Variants in HPSE2 observed in about 807,000 individuals in gnomAD.
HPSE2 encodes the protein heparanase 2 (inactive), also known as inactive heparanase-2.
Under a neutral mutation model 60.5 loss-of-function variants are expected in HPSE2, and 38 were observed. The observed-to-expected ratio is 0.63, with a 90% CI of 0.48 to 0.82. The LOEUF is 0.82. HPSE2 is among the 40% of genes least tolerant of loss of function. HPSE2 has a pLI of 0.00. For synonymous variants in HPSE2, 295 were observed against 293.2 expected (o/e 1.01, Z -0.06); for missense variants, 713 against 740.4 (o/e 0.96, Z 0.43).
chr10:99,184,815 TATATAGAGAGAGAGAGAGAGAG>T (rs1464350872), intron 2 of HPSE2, among the ~76,000 whole-genome samples: 36 of 28,632 alleles, frequency 1.3e-3, no homozygotes, highest in African/African-American at 1.7e-3. Context: ...TATATATATA[TATATAGAGAGAGAGAGAGAGAG>T]AGAGAGAGAG....
chr10:98,586,666 A>G (rs1194433498), intron 9 of HPSE2, among the ~76,000 whole-genome samples: 3 of 152,212 alleles, frequency 2.0e-5, no homozygotes, highest in Admixed American at 2.0e-4. Flanking sequence ...TTGCAAGATT[A>G]AAGAGTTGAG....
intron 2 of HPSE2, among the ~76,000 whole-genome samples, chr10:99,165,812 G>A (rs1847057099): frequency 6.6e-6 from 1 of 151,860 alleles, no homozygotes; most frequent in South Asian, 2.1e-4. Context: ...AAAGTGCTGG[G>A]ATTACAGGCA....
chr10:98,930,614 C>T (rs1186046840), intron 3 of HPSE2, among the ~76,000 whole-genome samples: 1 of 144,670 alleles, frequency 6.9e-6, no homozygotes. Flanking sequence ...AGTGTACAAG[C>T]GTTCCTATTT....
intron 2 of HPSE2, among the ~76,000 whole-genome samples, chr10:99,154,763 A>G (rs1233864468): frequency 6.6e-6 from 1 of 151,802 alleles, no homozygotes; most frequent in African/African-American, 2.4e-5. Flanking sequence ...TATTAACTTT[A>G]AATGTAAAGG....
chr10:98,959,946 T>C (rs370235356), intron 3 of HPSE2, among the ~76,000 whole-genome samples: 20 of 152,236 alleles, frequency 1.3e-4, no homozygotes, highest in African/African-American at 3.8e-4. Context: ...GCAAAGTTTT[T>C]TCCCCCCACA....
intron 3 of HPSE2, among the ~76,000 whole-genome samples, chr10:98,895,947 A>AG (rs1953478009): frequency 1.5e-5 from 1 of 65,666 alleles, no homozygotes; most frequent in African/African-American, 6.4e-5. Context: ...GGGTGGGGGG[A>AG]GGGGGGAGGG....
At chr10:98,900,666 C>G (rs1471242294) in intron 3 of HPSE2, among the ~76,000 whole-genome samples, 1 of 152,120 alleles carries the variant, frequency 6.6e-6, no homozygotes, top group Non-Finnish European at 1.5e-5. Context: ...GATACCTGTA[C>G]ATGTTCGTCA....
At chr10:99,154,834 C>A (rs1846462625) in intron 2 of HPSE2, among the ~76,000 whole-genome samples, 1 of 152,060 alleles carries the variant, frequency 6.6e-6, no homozygotes, top group Non-Finnish European at 1.5e-5. Flanking sequence ...CAAGACCCAT[C>A]AGTGTGCTGT....
At chr10:99,146,004 C>T (rs906261565) in intron 2 of HPSE2, among the ~76,000 whole-genome samples, 1 of 152,070 alleles carries the variant, frequency 6.6e-6, no homozygotes, top group Non-Finnish European at 1.5e-5. Flanking sequence ...CATGTATATA[C>T]CAATTTCTTG....
At chr10:98,758,556 C>A (rs879047227) in intron 3 of HPSE2, among the ~76,000 whole-genome samples, 2 of 152,134 alleles carry the variant, frequency 1.3e-5, no homozygotes, top group Non-Finnish European at 1.5e-5. Flanking sequence ...AGAAGACATA[C>A]ACATGGCCCA....
chr10:99,237,973 G>A (rs1001441000), upstream of HPSE2, among the ~76,000 whole-genome samples: 1 of 152,118 alleles, frequency 6.6e-6, no homozygotes, highest in African/African-American at 2.4e-5. Context: ...CCAGAACAAT[G>A]TGAAAAATAA....
At chr10:98,603,619 G>C (rs940958576) in intron 9 of HPSE2, among the ~76,000 whole-genome samples, 3 of 151,776 alleles carry the variant, frequency 2.0e-5, no homozygotes, top group Admixed American at 2.0e-4. Context: ...TAGTAGTAAC[G>C]GGGTTTCACC....
At chr10:99,120,865 T>TA (rs2135710666) in intron 3 of HPSE2, among the ~76,000 whole-genome samples, 1 of 152,268 alleles carries the variant, frequency 6.6e-6, no homozygotes, top group African/African-American at 2.4e-5. Flanking sequence ...GGTGAGAGTG[T>TA]AAATTAGTTC....
intron 5 of HPSE2, among the ~76,000 whole-genome samples, chr10:98,704,521 C>T (rs761312079): frequency 6.6e-6 from 1 of 152,052 alleles, no homozygotes; most frequent in Non-Finnish European, 1.5e-5. Context: ...TACTACAAGG[C>T]TACAGTATTT....
At chr10:99,072,022 TTTG>T (rs1423183373) in intron 3 of HPSE2, among the ~76,000 whole-genome samples, 3 of 86,698 alleles carry the variant, frequency 3.5e-5, no homozygotes, top group Non-Finnish European at 3.2e-5. Flanking sequence ...TCTAACTTTG[TTTG>T]TTTTTTTTTT....
At chr10:98,726,433 A>G (rs1489079361) in intron 4 of HPSE2, among the ~76,000 whole-genome samples, 1 of 146,754 alleles carries the variant, frequency 6.8e-6, no homozygotes, top group East Asian at 2.1e-4. Flanking sequence ...GGAACTGAAC[A>G]ATGAGAACAC....
intron 4 of HPSE2, among the ~76,000 whole-genome samples, chr10:98,727,511 C>A (rs892837283): frequency 6.6e-6 from 1 of 151,968 alleles, no homozygotes; most frequent in Non-Finnish European, 1.5e-5. Flanking sequence ...ATTAGCTGGG[C>A]ATGGTGGTAT....
chr10:98,557,513 G>A (rs1944045230), intron 9 of HPSE2, among the ~76,000 whole-genome samples: 1 of 152,112 alleles, frequency 6.6e-6, no homozygotes, highest in Non-Finnish European at 1.5e-5. Flanking sequence ...GGTAAAACAA[G>A]GAAGATTTTA....
chr10:99,181,767 G>T, intron 2 of HPSE2, among the ~76,000 whole-genome samples: 1 of 152,064 alleles, frequency 6.6e-6, no homozygotes, highest in East Asian at 1.9e-4. Context: ...TTAGGAGAAA[G>T]ACCTAATGTA....
Sources: gnomAD v4.1 joint callset for allele counts (sites outside exome capture counted in the v4.1 genomes callset) on GRCh38, gnomAD v4.1.1 for gene constraint, MANE v1.5 for transcripts, NCBI Gene and HGNC (gene_info 2026-07-23, HGNC 2026-07-21) for gene names.